COL14A1: variants seen among roughly 807,000 people sequenced by gnomAD.
COL14A1 encodes the protein collagen alpha-1(XIV) chain.
Under a neutral mutation model 230.3 loss-of-function variants are expected in COL14A1, and 136 were observed. The observed-to-expected ratio is 0.59, with a 90% CI of 0.51 to 0.68. The LOEUF is 0.68. Among genes scored for constraint, COL14A1 ranks in the 30% least tolerant of loss-of-function variants. COL14A1 has a pLI of 0.00. For synonymous variants in COL14A1, 792 were observed against 784.1 expected (o/e 1.01, Z -0.17); for missense variants, 1,976 against 2,215.8 (o/e 0.89, Z 2.17).
intron 4 of COL14A1, among the ~76,000 whole-genome samples, chr8:120,166,896 G>C (rs1216534882): frequency 6.7e-6 from 1 of 149,224 alleles, no homozygotes; most frequent in East Asian, 1.9e-4. Flanking sequence ...GTGTGTGTGT[G>C]TGTGTGTGTG....
intron 12 of COL14A1, among the ~76,000 whole-genome samples, chr8:120,212,233 A>T (rs939550894): frequency 6.6e-6 from 1 of 152,214 alleles, no homozygotes; most frequent in East Asian, 1.9e-4. Flanking sequence ...CACAGTTCAC[A>T]TGGTACTTTT....
chr8:120,282,881 G>A (rs554021076), intron 31 of COL14A1, among the ~76,000 whole-genome samples: 53 of 152,190 alleles, frequency 3.5e-4, no homozygotes, highest in Middle Eastern at 3.4e-3. Flanking sequence ...AAGCCAAGAG[G>A]GAGAAGTCAA....
chr8:120,287,771 C>A (rs948416965), intron 33 of COL14A1, among the ~76,000 whole-genome samples: 4 of 151,894 alleles, frequency 2.6e-5, no homozygotes, highest in Non-Finnish European at 5.9e-5. Flanking sequence ...TTATAATAGA[C>A]CTATTAATAG....
chr8:120,166,299 G>A (rs987314308), intron 4 of COL14A1, among the ~76,000 whole-genome samples: 1 of 152,176 alleles, frequency 6.6e-6, no homozygotes, highest in Non-Finnish European at 1.5e-5. Flanking sequence ...TGGAAACTGT[G>A]TCAAGGGTGA....
intron 22 of COL14A1, 126 bp from the exon 23 acceptor site, chr8:120,255,114 T>C (rs2129711556): frequency 1.4e-6 from 1 of 731,732 alleles, no homozygotes; most frequent in African/African-American, 1.7e-5. Context: ...TCATTGTAAA[T>C]TGATGGATTT....
intron 23 of COL14A1, among the ~76,000 whole-genome samples, chr8:120,261,512 A>C: frequency 6.6e-6 from 1 of 152,188 alleles, no homozygotes; most frequent in East Asian, 1.9e-4. Context: ...GAATATAATT[A>C]ATCCAGATTC....
rs569739415 is a variant in COL14A1, at chr8:120,291,432, G to A, written c.4236+1666G>A. 3.3e-5 allele frequency among the ~76,000 whole-genome samples: 5 copies of A among 151,508 alleles called. No individual in the cohort carries two copies. The South Asian group carries it at 8.4e-4, about 25-fold the overall frequency. On this transcript the variant is annotated intron_variant, in intron 34 of 47. Coordinates refer to ENST00000297848, the MANE Select transcript of COL14A1 (RefSeq NM_021110.4). ...AAAAATTAGCCGGATGTGGTGGCAC[G>A]CACCTGTAGCCCACCTACTCGGGAG...
chr8:120,342,020 A>G (rs963358070), intron 43 of COL14A1, among the ~76,000 whole-genome samples: 1 of 152,226 alleles, frequency 6.6e-6, no homozygotes, highest in Admixed American at 6.5e-5. Context: ...CTGGGTTGCT[A>G]TTAGTATTAA....
chr8:120,265,859 C>T (rs1819486980), intron 24 of COL14A1, among the ~76,000 whole-genome samples: 1 of 151,978 alleles, frequency 6.6e-6, no homozygotes, highest in Non-Finnish European at 1.5e-5. Context: ...CAGCTCACCT[C>T]TTAGCCTTCC....
chr8:120,305,507 C>T lies in COL14A1; in HGVS notation c.4402-4502C>T, dbSNP rs144923012. ...ATATATTTTCTTCACTTTTTATTTG[C>T]GACATTTCATTGTCTTTATATTTAT... On this transcript the variant is annotated intron_variant, in intron 36 of 47. Transcript: ENST00000297848. Among the ~76,000 whole-genome samples, 1,194 of 152,038 alleles carry T rather than the reference C, an allele frequency of 7.9e-3. 6 individuals carry two copies. The highest frequency in any genetic ancestry group is 0.017 in the Middle Eastern group (5 of 294).
At chr8:120,229,988 C>A (rs1818218999) in intron 18 of COL14A1, among the ~76,000 whole-genome samples, 1 of 152,166 alleles carries the variant, frequency 6.6e-6, no homozygotes, top group Non-Finnish European at 1.5e-5. Context: ...TCATGTGATC[C>A]TCCAGCCTCA....
chr8:120,194,445 T>A lies in COL14A1; in HGVS notation c.437-2346T>A, dbSNP rs541432448. Among the ~76,000 whole-genome samples the A allele has an allele frequency of 5.3e-5, 8 of 152,256 alleles. No homozygotes were observed. The South Asian group carries it at 8.3e-4, about 16-fold the overall frequency. On this transcript the variant is annotated intron_variant, in intron 5 of 47. Coordinates refer to ENST00000297848, the MANE Select transcript of COL14A1 (RefSeq NM_021110.4). ...AGACCTTGACCATACCCCACACTTA[T>A]GCTTTTATTTTCTTTAAGATGTCTT...
intron 5 of COL14A1, among the ~76,000 whole-genome samples, chr8:120,192,701 G>A (rs1290153377): frequency 6.6e-6 from 1 of 151,984 alleles, no homozygotes; most frequent in East Asian, 1.9e-4. Context: ...CATAGATTTG[G>A]TCTTTTCACG....
chr8:120,278,003 G>T (rs985518108), intron 26 of COL14A1, 108 bp from the exon 27 acceptor site: 4 of 1,028,144 alleles, frequency 3.9e-6, no homozygotes, highest in South Asian at 3.4e-5. Flanking sequence ...AGCAGATTTT[G>T]TAATGAGATA....
chr8:120,191,502 T>C (rs1214096392), intron 5 of COL14A1, among the ~76,000 whole-genome samples: 5 of 150,888 alleles, frequency 3.3e-5, no homozygotes, highest in African/African-American at 1.2e-4. Flanking sequence ...GGTGTGGTGC[T>C]GAAAAAAATG....
chr8:120,289,284 C>T (rs1190918335), intron 33 of COL14A1, among the ~76,000 whole-genome samples: 1 of 152,080 alleles, frequency 6.6e-6, no homozygotes, highest in Non-Finnish European at 1.5e-5. Flanking sequence ...TTTTAATGTG[C>T]ATTCAGAAAA....
chr8:120,289,808 G>C, intron 34 of COL14A1, 42 bp downstream of exon 34: 1 of 1,561,716 alleles, frequency 6.4e-7, no homozygotes, highest in Non-Finnish European at 8.7e-7. Flanking sequence ...TGTTAAGGGA[G>C]AGAAATTATT....
At chr8:120,158,057 T>C in intron 2 of COL14A1, 73 bp from the exon 3 acceptor site, 2 of 807,252 alleles carry the variant, frequency 2.5e-6, no homozygotes, top group South Asian at 1.6e-5. Context: ...ATTATACTAC[T>C]TTGACTTTCT....
At chr8:120,306,254 T>A (rs6469911) in intron 36 of COL14A1, among the ~76,000 whole-genome samples, 105,450 of 151,998 alleles carry the variant, frequency 0.69, 38,255 homozygotes, top group African/African-American at 0.92. Flanking sequence ...CATCTGTAAT[T>A]TACTGGAACA....
Sources: allele counts gnomAD v4.1 joint callset (sites outside exome capture counted in the v4.1 genomes callset), GRCh38; gene constraint gnomAD v4.1.1; transcripts MANE v1.5; gene names NCBI Gene and HGNC (gene_info 2026-07-23, HGNC 2026-07-21).